Variants in DBF4B observed in about 807,000 individuals in gnomAD.
The protein encoded by DBF4B is protein DBF4 homolog B.
In DBF4B, 49 loss-of-function variants were observed where a neutral mutation model predicts 53.4. The observed-to-expected ratio is 0.92, with a 90% CI of 0.73 to 1.16. The LOEUF is 1.16. Among genes scored for constraint, DBF4B ranks in the 50% most tolerant of loss-of-function variants. The pLI is 0.00. For synonymous variants in DBF4B, 257 were observed against 288.7 expected (o/e 0.89, Z 1.11); for missense variants, 692 against 775.0 (o/e 0.89, Z 1.27).
At chr17:44,744,552 G>C (rs1055173891) in intron 10 of DBF4B, among the ~76,000 whole-genome samples, 8 of 152,138 alleles carry the variant, frequency 5.3e-5, no homozygotes, top group Admixed American at 3.3e-4. Context: ...ATCATGTTCA[G>C]AGTAAATTTG....
rs189283527 is a variant in DBF4B, at chr17:44,721,066, A to G, written c.83-1814A>G. Among the ~76,000 whole-genome samples the G allele has an allele frequency of 3.3e-5, 5 of 151,988 alleles. No homozygotes were observed. In the East Asian group the frequency reaches 5.8e-4, roughly 18 times the overall value. ...TTTTTAGTGGAGACGGGGTTTCACC[A>G]TGTTGGCCAGGCTGGTCTCGAAGTC... On this transcript the variant is annotated intron_variant, in intron 2 of 13. Transcript: ENST00000315005.
intron 5 of DBF4B, chr17:44,731,909 T>A: frequency 2.5e-6 from 1 of 393,564 alleles, no homozygotes; most frequent in Non-Finnish European, 4.7e-6. Flanking sequence ...CTCAGAAGCA[T>A]CTGTTCCTTC....
At chr17:44,741,180 A>C (rs1477220032) in intron 9 of DBF4B, among the ~76,000 whole-genome samples, 156 bp from the exon 10 acceptor site, 2 of 152,280 alleles carry the variant, frequency 1.3e-5, no homozygotes, top group South Asian at 2.1e-4. Flanking sequence ...TATTAATTTA[A>C]CCTAGAAAGG....
Position 44,748,420 on chromosome 17 carries a change from G to A in DBF4B, c.1144G>A (p.Ala382Thr), listed in dbSNP as rs1198496722. The change falls in exon 13 of 14, where the codon GCA becomes ACA. Residue 382 changes from alanine (A) to threonine (T), a missense_variant. Ala to Thr is a moderately conservative substitution (Grantham distance 58, BLOSUM62 0). Transcript: ENST00000315005. ...LHPHQPSHPR[A>T]ASPRIRKEDS... The stretch of plus-strand genomic sequence containing the variant: ...CCCCCATCAGCCCTCCCATCCCAGG[G>A]CAGCATCTCCCAGGATAAGGAAAGA... 1 of 1,614,094 alleles carries A rather than the reference G, an allele frequency of 6.2e-7. No individual in the cohort carries two copies. The highest frequency in any genetic ancestry group is 8.5e-7 in the Non-Finnish European group (1 of 1,179,986).
At chr17:44,743,350 C>T (rs1337351928) in intron 10 of DBF4B, among the ~76,000 whole-genome samples, 1 of 152,136 alleles carries the variant, frequency 6.6e-6, no homozygotes, top group Admixed American at 6.5e-5. Context: ...TTTTTGAAAT[C>T]ATTATTATAT....
intron 3 of DBF4B, among the ~76,000 whole-genome samples, chr17:44,727,371 A>G (rs1974453735): frequency 6.6e-6 from 1 of 152,050 alleles, no homozygotes; most frequent in South Asian, 2.1e-4. Context: ...GTGAGCCAAA[A>G]TTGTGCCATT....
rs1160879935 is a variant in DBF4B, at chr17:44,749,040, C to T, written c.1189+575C>T. 1.6e-6 allele frequency: 2 copies of T among 1,289,860 alleles called. No individual in the cohort carries two copies. The highest frequency in any genetic ancestry group is 4.6e-5 in the Admixed American group (2 of 43,574). The allele number at this position is 1,289,860 out of a possible 1,614,324, so 79.9% of individuals were successfully genotyped here. A position where few individuals can be genotyped will look rare whatever the true frequency, so the allele number is the denominator to read the frequency against. On this transcript the variant is annotated intron_variant, in intron 13 of 13. Transcript: ENST00000315005. The surrounding 1 kb of genome is among the most constrained non-coding windows in gnomAD (Gnocchi z 4.4). Reference sequence around the variant, plus strand: ...AGTGTACAGCCACTGGCCCTGTATCCCAGGAGGCTGGCCAGCTCCTCAGCT... The same window carrying T: ...AGTGTACAGCCACTGGCCCTGTATCTCAGGAGGCTGGCCAGCTCCTCAGCT...
intron 6 of DBF4B, chr17:44,733,772 C>T (rs905315279): frequency 6.3e-6 from 2 of 315,750 alleles, no homozygotes; most frequent in East Asian, 6.4e-5. Context: ...GCATGGCCTC[C>T]CTCACAGCCA....
Position 44,749,838 on chromosome 17 carries a change from G to C in DBF4B, c.1190-757G>C. 3 of 1,031,480 alleles carry C rather than the reference G, an allele frequency of 2.9e-6. No homozygotes were observed. The highest frequency in any genetic ancestry group is 4.9e-4 in the Middle Eastern group (1 of 2,048). 63.9% of individuals were successfully genotyped at this position (1,031,480 alleles called of 1,614,324 possible). ...CCAACCCCGGCCTCCTTTCTCACGA[G>C]CATGTGGCCGCTCCTGCTTTCCAAA... On this transcript the variant is annotated intron_variant, in intron 13 of 13. Coordinates refer to ENST00000315005, the MANE Select transcript of DBF4B (RefSeq NM_145663.3). This position sits in a 1 kb window ranked among gnomAD's most constrained non-coding sequence, Gnocchi z 4.4.
chr17:44,722,987 C>T lies in DBF4B; in HGVS notation c.190C>T (p.Gln64Ter). ...GGATCTGCCTGCTGGCAAGAATCTC[C>T]AGTTTTTGACGGGGGCCATTCAGCA... ...YLDLPAGKNLQFLTGAIQQLG... is the reference protein window; with the variant it reads ...YLDLPAGKNL Residue 64 changes from glutamine to a stop codon, truncating the protein, a stop_gained, in exon 3 of 14, where the codon CAG (glutamine) becomes TAG (stop). Coordinates refer to ENST00000315005, the MANE Select transcript of DBF4B (RefSeq NM_145663.3). LOFTEE classifies it high-confidence loss of function. 1 of 1,614,068 alleles carries T rather than the reference C, an allele frequency of 6.2e-7. No homozygotes were observed. The highest frequency in any genetic ancestry group is 8.5e-7 in the Non-Finnish European group (1 of 1,179,934).
At chr17:44,709,242 G>A in intron 1 of DBF4B, 62 bp from the exon 2 acceptor site, 1 of 1,603,076 alleles carries the variant, frequency 6.2e-7, no homozygotes, top group Non-Finnish European at 8.5e-7. Flanking sequence ...GTAGTGGGCG[G>A]GAGGCATGGA....
At chr17:44,732,316 C>T in intron 6 of DBF4B, 51 bp downstream of exon 6, 2 of 1,584,704 alleles carry the variant, frequency 1.3e-6, no homozygotes, top group Non-Finnish European at 1.7e-6. Flanking sequence ...TGACTTTGAC[C>T]AGGAGTGTCA....
intron 7 of DBF4B, 67 bp from the exon 8 acceptor site, chr17:44,736,763 A>T: frequency 6.3e-7 from 1 of 1,584,808 alleles, no homozygotes; most frequent in Non-Finnish European, 8.7e-7. Flanking sequence ...CACTTGGCTT[A>T]TCAGGCCCAG....
chr17:44,730,157 C>CT (rs1974711899), intron 4 of DBF4B, 61 bp downstream of exon 4: 2 of 1,526,600 alleles, frequency 1.3e-6, no homozygotes, highest in Admixed American at 4.2e-5. Context: ...TTTGGTGAGC[C>CT]TTTTAAGGCA....
At chr17:44,747,298 C>G in intron 11 of DBF4B, 93 bp from the exon 12 acceptor site, 1 of 1,596,556 alleles carries the variant, frequency 6.3e-7, no homozygotes, top group East Asian at 2.2e-5. Flanking sequence ...TGGCTGTCCT[C>G]CAGGGCCAGA....
In DBF4B at chr17:44,747,182, G is replaced by A; in HGVS notation, c.930G>A (p.Glu310=). ...YCECCQEAFE[E]LHVHLQSAQH... ...AGTGCTGTCAGGAGGCCTTCGAGGAGCTCCATGTGGTGAGCCCCTTCCCCA... is the reference window on the plus strand; with the variant it reads ...AGTGCTGTCAGGAGGCCTTCGAGGAACTCCATGTGGTGAGCCCCTTCCCCA... Residue 310 remains glutamate (E), a synonymous_variant, in exon 11 of 14, where the codon GAG becomes GAA. Coordinates refer to ENST00000315005, the MANE Select transcript of DBF4B (RefSeq NM_145663.3). The A allele has an allele frequency of 1.2e-6, 2 of 1,614,076 alleles. No individual in the cohort carries two copies. The highest frequency in any genetic ancestry group is 2.2e-5 in the East Asian group (1 of 44,870).
chr17:44,739,065 G>A (rs1975740957), intron 9 of DBF4B, among the ~76,000 whole-genome samples: 1 of 152,148 alleles, frequency 6.6e-6, no homozygotes, highest in African/African-American at 2.4e-5. Context: ...CCTAAGGCTA[G>A]AATCCAGGTG....
chr17:44,741,360 G>A lies in DBF4B; in HGVS notation c.738G>A (p.Gln246=). The A allele has an allele frequency of 1.2e-6, 2 of 1,613,474 alleles. No homozygotes were observed. Among genetic ancestry groups the A allele is most frequent in the Non-Finnish European group, 1.7e-6 (2 of 1,179,508 alleles). The change falls in exon 10 of 14, where the codon CAG becomes CAA. Residue 246 remains glutamine, a synonymous_variant. Transcript: ENST00000315005. ...GGAAGTTTCGTCCTTTCCATCATCA[G>A]TTTAAATCCTTTCCTGAAATTTCTT... ...ESRKFRPFHH[Q]FKSFPEISFL...
At position 44,749,075 on chromosome 17, in the gene DBF4B, C is replaced by G. The variant is rs1341591387; in HGVS notation, c.1189+610C>G. 1.6e-6 allele frequency: 2 copies of G among 1,289,836 alleles called. No individual in the cohort carries two copies. The highest frequency in any genetic ancestry group is 1.1e-4 in the East Asian group (2 of 18,020). The allele number at this position is 1,289,836 out of a possible 1,614,324, so 79.9% of individuals were successfully genotyped here. On this transcript the variant is annotated intron_variant, in intron 13 of 13. Coordinates refer to ENST00000315005, the MANE Select transcript of DBF4B (RefSeq NM_145663.3). This position sits in a 1 kb window ranked among gnomAD's most constrained non-coding sequence, Gnocchi z 4.4. ...GGCCAGCTCCTCAGCTGCCCCACAG[C>G]TCCAGGCTGGCCATCAGCTCCCCTG...
Sources: gnomAD v4.1 joint callset for allele counts (sites outside exome capture counted in the v4.1 genomes callset) on GRCh38, gnomAD v4.1.1 for gene constraint, Gnocchi (gnomAD v3.1) non-coding constraint, MANE v1.5 for transcripts, NCBI Gene and HGNC (gene_info 2026-07-23, HGNC 2026-07-21) for gene names.